Variants in PCDH15 observed in about 807,000 individuals in gnomAD.
PCDH15 encodes protocadherin related 15, also known as protocadherin-15.
PCDH15 carries 129 observed loss-of-function variants against 178.5 expected under a neutral mutation model. That is an observed-to-expected ratio of 0.72 (90% confidence interval 0.63 to 0.84). The LOEUF is 0.84. Ranked by LOEUF, PCDH15 falls within the 40% of genes least tolerant of loss-of-function variation. The pLI is 0.00. For synonymous variants in PCDH15, 800 were observed against 732.0 expected, an observed-to-expected ratio of 1.09 and a Z score of -1.50; for missense variants, 2,230 against 2,099.9, an observed-to-expected ratio of 1.06 and a Z score of -1.21.
chr10:55,005,209 A>ATAATAATAATAATAATAATAATAATAT (rs2131935681), intron 2 of PCDH15, among the ~76,000 whole-genome samples: 1 of 131,162 alleles, frequency 7.6e-6, no homozygotes, highest in Admixed American at 7.9e-5. Flanking sequence ...CTGTCTCTAA[A>ATAATAATAATAATAATAATAATAATAT]TAATAATAAT....
At chr10:53,888,138 C>A (rs995920505) in intron 26 of PCDH15, among the ~76,000 whole-genome samples, 1 of 150,916 alleles carries the variant, frequency 6.6e-6, no homozygotes, top group Non-Finnish European at 1.5e-5. Flanking sequence ...CCCACTCATG[C>A]AGTTTTTCTT....
intron 2 of PCDH15, among the ~76,000 whole-genome samples, chr10:54,902,153 T>A (rs538741135): frequency 6.6e-6 from 1 of 152,344 alleles, no homozygotes; most frequent in Non-Finnish European, 1.5e-5. Context: ...TTATTTTATA[T>A]CTTGATATTA....
At chr10:55,458,521 A>G (rs183530959) in intron 2 of PCDH15, among the ~76,000 whole-genome samples, 37 of 152,172 alleles carry the variant, frequency 2.4e-4, no homozygotes, top group African/African-American at 8.9e-4. Context: ...ATGACATTGC[A>G]AACAGCCTAA....
chr10:55,102,569 A>G (rs1842598209), intron 2 of PCDH15, among the ~76,000 whole-genome samples: 1 of 152,146 alleles, frequency 6.6e-6, no homozygotes, highest in Admixed American at 6.6e-5. Context: ...CTCTTTCTCA[A>G]AATATCTTGT....
Position 55,341,783 on chromosome 10 carries a change from ATATATATATATATATATATATATTTTT to A in PCDH15, c.-155-175159_-155-175133del, listed in dbSNP as rs1844573713. Among the ~76,000 whole-genome samples, 8 of 13,440 alleles carry A rather than the reference ATATATATATATATATATATATATTTTT, an allele frequency of 6.0e-4. 2 individuals are homozygous for A. Among genetic ancestry groups the A allele is most frequent in the African/African-American group, 1.6e-3 (8 of 5,100 alleles). The allele number at this position is 13,440 out of a possible 152,430, so 8.8% of individuals were successfully genotyped here. On this transcript the variant is annotated intron_variant, in intron 2 of 5. Coordinates refer to the PCDH15 transcript ENST00000613346. ...TATGCATATATATATATATATATAT[ATATATATATATATATATATATATTTTT>A]TTTTTTTTTTTTTTTTTTTTTAGTA...
intron 2 of PCDH15, among the ~76,000 whole-genome samples, chr10:55,340,701 T>C (rs1190274687): frequency 4.6e-5 from 7 of 151,976 alleles, no homozygotes; most frequent in Non-Finnish European, 1.0e-4. Context: ...AATATAAAAA[T>C]AAGAGTGAAA....
intron 37 of PCDH15, chr10:53,809,630 G>A: frequency 1.5e-6 from 2 of 1,300,632 alleles, no homozygotes; most frequent in Non-Finnish European, 2.1e-6. Flanking sequence ...ACGCAGGAAT[G>A]AATCTGTGGG....
chr10:54,176,424 ATTTTCT>A (rs564800592), intron 13 of PCDH15, among the ~76,000 whole-genome samples: 1 of 152,208 alleles, frequency 6.6e-6, no homozygotes, highest in African/African-American at 2.4e-5. Flanking sequence ...TGTGTTAAAG[ATTTTCT>A]TTTTTAAAGA....
At chr10:54,480,905 T>C (rs901205943) in intron 3 of PCDH15, among the ~76,000 whole-genome samples, 6 of 151,938 alleles carry the variant, frequency 3.9e-5, no homozygotes, top group Non-Finnish European at 8.8e-5. Flanking sequence ...ACAGCAGATA[T>C]AAGACAGTGA....
intron 3 of PCDH15, among the ~76,000 whole-genome samples, chr10:54,854,324 C>T (rs1423424784): frequency 6.6e-6 from 1 of 152,186 alleles, no homozygotes; most frequent in African/African-American, 2.4e-5. Context: ...TCCTTCTCTT[C>T]ACCCACAATA....
intron 11 of PCDH15, among the ~76,000 whole-genome samples, chr10:54,195,093 C>T (rs529057964): frequency 2.2e-4 from 33 of 152,270 alleles, no homozygotes; most frequent in South Asian, 6.2e-4. Flanking sequence ...TTATAACATT[C>T]ACTCTGGCTA....
intron 26 of PCDH15, among the ~76,000 whole-genome samples, chr10:53,876,967 T>C (rs2080293304): frequency 6.6e-6 from 1 of 152,072 alleles, no homozygotes; most frequent in Non-Finnish European, 1.5e-5. Flanking sequence ...TACTCTTAAT[T>C]TAAATCATGG....
At chr10:55,526,653 G>A (rs1841307571) in intron 2 of PCDH15, among the ~76,000 whole-genome samples, 1 of 151,794 alleles carries the variant, frequency 6.6e-6, no homozygotes, top group Non-Finnish European at 1.5e-5. Context: ...ATTGATTTGG[G>A]GTCTTTGACA....
chr10:54,938,594 A>T (rs920520351), intron 2 of PCDH15, among the ~76,000 whole-genome samples: 23 of 152,126 alleles, frequency 1.5e-4, no homozygotes, highest in Non-Finnish European at 2.6e-4. Context: ...TTTCTATTTT[A>T]ATCTCTTTAC....
chr10:55,547,498 T>A (rs1841910215), intron 2 of PCDH15, among the ~76,000 whole-genome samples: 1 of 152,062 alleles, frequency 6.6e-6, no homozygotes, highest in Non-Finnish European at 1.5e-5. Context: ...ATAGTCTACA[T>A]AAAGGCTGCA....
At chr10:55,198,653 A>AT (rs1294803174) in intron 1 of PCDH15, among the ~76,000 whole-genome samples, 1 of 149,324 alleles carries the variant, frequency 6.7e-6, no homozygotes, top group African/African-American at 2.5e-5. Flanking sequence ...ACGCCCAGCT[A>AT]ATTTTTTTTT....
chr10:54,508,563 C>A (rs1652455439), intron 3 of PCDH15, among the ~76,000 whole-genome samples: 1 of 152,110 alleles, frequency 6.6e-6, no homozygotes, highest in Non-Finnish European at 1.5e-5. Flanking sequence ...TGGGCAAAAT[C>A]AAATGCTTAT....
chr10:54,210,994 G>A (rs548124769), intron 10 of PCDH15, among the ~76,000 whole-genome samples: 3 of 152,106 alleles, frequency 2.0e-5, no homozygotes, highest in South Asian at 2.1e-4. Context: ...CATTTAATTG[G>A]CCTTAATAAT....
At chr10:55,160,484 A>C (rs560886217) in intron 2 of PCDH15, among the ~76,000 whole-genome samples, 1 of 152,126 alleles carries the variant, frequency 6.6e-6, no homozygotes, top group South Asian at 2.1e-4. Flanking sequence ...TACTTAACAC[A>C]TGTGCTATGT....
Sources: gnomAD v4.1 joint callset for allele counts (sites outside exome capture counted in the v4.1 genomes callset) on GRCh38, gnomAD v4.1.1 for gene constraint, MANE v1.5 for transcripts, NCBI Gene and HGNC (gene_info 2026-07-23, HGNC 2026-07-21) for gene names.